Variants in MEF2D observed in about 807,000 individuals in gnomAD.
MEF2D encodes the protein myocyte-specific enhancer factor 2D.
A neutral mutation model predicts 59.3 loss-of-function variants in MEF2D; 10 were observed. The ratio of observed to expected loss-of-function variants is 0.17; its 90% CI spans 0.10 to 0.29. MEF2D has a LOEUF of 0.29. Among genes scored for constraint, MEF2D ranks in the 10% least tolerant of loss-of-function variants. MEF2D has a pLI of 1.00. For synonymous variants in MEF2D, 305 were observed against 295.0 expected (o/e 1.03, Z -0.35); for missense variants, 508 against 699.4 (o/e 0.73, Z 3.09).
chr1:156,492,730 G>C (rs552919174), intron 1 of MEF2D, among the ~76,000 whole-genome samples: 162 of 152,308 alleles, frequency 1.1e-3, no homozygotes, highest in Non-Finnish European at 1.9e-3. Flanking sequence ...GGGACGGTTA[G>C]TGTGTCACCT....
chr1:156,476,452 C>T (rs751380672), intron 8 of MEF2D, 42 bp downstream of exon 8: 4 of 1,606,916 alleles, frequency 2.5e-6, no homozygotes, highest in Non-Finnish European at 3.4e-6. Flanking sequence ...GAGCAATACC[C>T]AGAATTCAAA....
At chr1:156,488,215 C>T (rs1049882891) in intron 1 of MEF2D, among the ~76,000 whole-genome samples, 5 of 152,236 alleles carry the variant, frequency 3.3e-5, no homozygotes, top group African/African-American at 9.6e-5. Context: ...TCCTGGTGGA[C>T]ATGGGAGAAG....
chr1:156,493,400 C>T (rs997885283), intron 1 of MEF2D, among the ~76,000 whole-genome samples: 5 of 152,178 alleles, frequency 3.3e-5, no homozygotes, highest in Non-Finnish European at 5.9e-5. Context: ...CTCCTTCTAA[C>T]TCGAAGGACA....
intron 1 of MEF2D, among the ~76,000 whole-genome samples, chr1:156,486,369 G>A (rs1248401239): frequency 1.3e-5 from 2 of 152,302 alleles, no homozygotes; most frequent in East Asian, 3.9e-4. Flanking sequence ...AGGTAGGGGA[G>A]GGCACACAGA....
intron 3 of MEF2D, 101 bp from the exon 4 acceptor site, chr1:156,481,072 A>C (rs1571242679): frequency 1.3e-6 from 2 of 1,532,674 alleles, no homozygotes; most frequent in East Asian, 2.3e-5. Flanking sequence ...CTCTTCCCCG[A>C]CCTCCTTCTT....
Position 156,464,548 on chromosome 1 carries a change from C to T in MEF2D, c.*3097G>A, listed in dbSNP as rs1290415085. The T allele has an allele frequency of 6.6e-6, 1 of 152,098 alleles. No homozygotes were observed. The highest frequency in any genetic ancestry group is 1.5e-5 in the Non-Finnish European group (1 of 68,064). 9.4% of individuals were successfully genotyped at this position (152,098 alleles called of 1,614,324 possible). On this transcript the variant is annotated 3_prime_UTR_variant, in exon 12 of 12. Coordinates refer to ENST00000348159, the MANE Select transcript of MEF2D (RefSeq NM_005920.4). Reference sequence around the variant, plus strand: ...CTCCAGTGGTTACTTTGGCAAATGCCCAGTTCTTCAGAGGGAGTGGGTGGA... The same window carrying T: ...CTCCAGTGGTTACTTTGGCAAATGCTCAGTTCTTCAGAGGGAGTGGGTGGA...
At chr1:156,491,534 TCA>T (rs1446465334) in intron 1 of MEF2D, among the ~76,000 whole-genome samples, 5 of 152,272 alleles carry the variant, frequency 3.3e-5, no homozygotes, top group Admixed American at 3.3e-4. Context: ...GGCCAAGGGT[TCA>T]CAAAGGCTCT....
chr1:156,484,936 G>C (rs1672250845), intron 1 of MEF2D, among the ~76,000 whole-genome samples: 1 of 152,190 alleles, frequency 6.6e-6, no homozygotes, highest in Non-Finnish European at 1.5e-5. Context: ...CTGATTCCAG[G>C]AGTCCTTGCA....
In MEF2D at chr1:156,479,798, TAGAC is replaced by T; in HGVS notation, c.397-6_397-3del. Reference sequence around the variant, plus strand: ...AAAGTTGGGGGCCGGGACAGTTGACTAGACAGAAAGATGGAGGGGCAGGATCAGG... The same window carrying T: ...AAAGTTGGGGGCCGGGACAGTTGACTAGAAAGATGGAGGGGCAGGATCAGG... On this transcript the variant is annotated splice_region_variant and splice_polypyrimidine_tract_variant and intron_variant, in intron 4 of 11. Transcript: ENST00000348159. 6.4e-7 allele frequency: 1 copy of T among 1,551,356 alleles called. No individual in the cohort carries two copies. Among genetic ancestry groups the T allele is most frequent in the Non-Finnish European group, 8.7e-7 (1 of 1,146,848 alleles).
intron 3 of MEF2D, 95 bp downstream of exon 3, chr1:156,482,342 G>T: frequency 1.2e-5 from 16 of 1,283,448 alleles, no homozygotes; most frequent in Non-Finnish European, 1.8e-5. Flanking sequence ...ACCAGTGTGT[G>T]TGCATAGGCA....
intron 9 of MEF2D, among the ~76,000 whole-genome samples, chr1:156,470,345 G>A (rs1045153257): frequency 1.3e-5 from 2 of 151,856 alleles, no homozygotes; most frequent in African/African-American, 4.8e-5. Flanking sequence ...CTTGAACCTG[G>A]GAGGTGGAGG....
intron 1 of MEF2D, among the ~76,000 whole-genome samples, chr1:156,495,578 C>T (rs904102057): frequency 2.0e-5 from 3 of 151,652 alleles, no homozygotes; most frequent in Admixed American, 6.6e-5. Flanking sequence ...AGGCTGAGGC[C>T]GGAGGATCGC....
intron 4 of MEF2D, chr1:156,480,542 G>A (rs1671928165): frequency 1.6e-6 from 2 of 1,249,758 alleles, no homozygotes; most frequent in Middle Eastern, 1.9e-4. Flanking sequence ...CTAAGAACCC[G>A]AGCATGGCTC....
intron 4 of MEF2D, among the ~76,000 whole-genome samples, chr1:156,480,404 T>G (rs1035691810): frequency 6.6e-6 from 1 of 151,978 alleles, no homozygotes; most frequent in Non-Finnish European, 1.5e-5. Flanking sequence ...AAGGATCTCA[T>G]GTCATCTACA....
At chr1:156,485,701 C>CTT (rs534807814) in intron 1 of MEF2D, among the ~76,000 whole-genome samples, 8 of 134,696 alleles carry the variant, frequency 5.9e-5, no homozygotes, top group Non-Finnish European at 1.3e-4. Flanking sequence ...TTAATAATTT[C>CTT]TTTTTTTTTT....
chr1:156,484,755 G>A (rs1672238907), intron 1 of MEF2D, among the ~76,000 whole-genome samples: 1 of 152,200 alleles, frequency 6.6e-6, no homozygotes, highest in South Asian at 2.1e-4. Context: ...AACAACTCCA[G>A]GAGGCACCAT....
intron 1 of MEF2D, among the ~76,000 whole-genome samples, chr1:156,493,109 C>T (rs754107343): frequency 1.3e-5 from 2 of 152,182 alleles, no homozygotes; most frequent in Non-Finnish European, 2.9e-5. Flanking sequence ...AGCACTGAGA[C>T]AGGGCTGCTC....
chr1:156,467,740 G>T, intron 11 of MEF2D, 84 bp from the exon 12 acceptor site: 2 of 1,324,980 alleles, frequency 1.5e-6, no homozygotes, highest in Non-Finnish European at 2.0e-6. Flanking sequence ...TCTCCCCATA[G>T]GGCCAGGATT....
intron 9 of MEF2D, among the ~76,000 whole-genome samples, chr1:156,471,287 C>T (rs1277020188): frequency 6.6e-6 from 1 of 152,128 alleles, no homozygotes; most frequent in Admixed American, 6.6e-5. Flanking sequence ...CACACCATCA[C>T]GCCCAGCTAA....
Sources: gnomAD v4.1 joint callset for allele counts (sites outside exome capture counted in the v4.1 genomes callset) on GRCh38, gnomAD v4.1.1 for gene constraint, MANE v1.5 for transcripts, NCBI Gene and HGNC (gene_info 2026-07-23, HGNC 2026-07-21) for gene names.